Variants in OPRM1 observed in about 807,000 individuals in gnomAD.
OPRM1 encodes mu-type opioid receptor.
In OPRM1, 27 loss-of-function variants were observed where a neutral mutation model predicts 31.8. The observed-to-expected ratio is 0.85, with a 90% CI of 0.63 to 1.17. The LOEUF is 1.17. OPRM1 is among the 50% of genes most tolerant of loss of function. The probability of loss-of-function intolerance (pLI) is 0.00; values close to 1 mark genes in which losing one functional copy is unlikely to be tolerated. For missense variants in OPRM1, 536 were observed against 511.1 expected, an observed-to-expected ratio of 1.05 and a Z score of -0.47; for synonymous variants, 196 against 189.9, an observed-to-expected ratio of 1.03 and a Z score of -0.26.
intron 3 of OPRM1, chr6:154,154,916 T>C (rs1031089963): frequency 7.9e-5 from 12 of 152,510 alleles, no homozygotes; most frequent in Non-Finnish European, 1.8e-4. Context: ...ATTCCCATCA[T>C]GCAAGCACAT....
intron 3 of OPRM1, among the ~76,000 whole-genome samples, chr6:154,195,267 C>T (rs1776511930): frequency 1.3e-5 from 2 of 151,818 alleles, no homozygotes; most frequent in South Asian, 4.2e-4. Flanking sequence ...CCTGCCTCAG[C>T]CTCCCGAGTA....
chr6:154,043,541 A>T (rs879882702), intron 1 of OPRM1, among the ~76,000 whole-genome samples: 2 of 87,536 alleles, frequency 2.3e-5, no homozygotes, highest in East Asian at 4.3e-4. Flanking sequence ...GTGTGTGTAT[A>T]TATATATATA....
rs545710769 is a variant in OPRM1 at position 154,042,863 on chromosome 6, G to A, written c.290+3029G>A. Among the ~76,000 whole-genome samples, 4 of 152,144 alleles carry A rather than the reference G, an allele frequency of 2.6e-5. No homozygotes were observed. The South Asian group carries it at 8.3e-4, about 31-fold the overall frequency. ...TCACAAAGATTTTAGAAAATGTGAT[G>A]AAAATACTACAAACAGTAGCAATCA... On this transcript the variant is annotated intron_variant, in intron 1 of 3. Coordinates refer to ENST00000330432, the MANE Select transcript of OPRM1 (RefSeq NM_000914.5).
At chr6:154,076,343 C>T (rs1433882333) in intron 1 of OPRM1, among the ~76,000 whole-genome samples, 2 of 152,106 alleles carry the variant, frequency 1.3e-5, no homozygotes, top group Non-Finnish European at 2.9e-5. Flanking sequence ...GAACTATTTG[C>T]AGCATATATC....
chr6:154,189,207 C>A (rs1276539103), intron 3 of OPRM1, among the ~76,000 whole-genome samples: 2 of 152,172 alleles, frequency 1.3e-5, no homozygotes, highest in East Asian at 1.9e-4. Flanking sequence ...AAGATTACCA[C>A]CTGCCAATTT....
chr6:154,013,324 T>G (rs1208724954), intron 1 of OPRM1, among the ~76,000 whole-genome samples: 2 of 152,176 alleles, frequency 1.3e-5, no homozygotes, highest in Non-Finnish European at 2.9e-5. Flanking sequence ...TTCATTTCAT[T>G]TTAGTCATTT....
At chr6:154,062,414 A>G (rs1476619232) in intron 1 of OPRM1, among the ~76,000 whole-genome samples, 1 of 152,136 alleles carries the variant, frequency 6.6e-6, no homozygotes, top group South Asian at 2.1e-4. Context: ...CCTGTATTGC[A>G]CTATAAGACT....
intron 1 of OPRM1, among the ~76,000 whole-genome samples, chr6:154,069,587 G>A (rs2128450658): frequency 6.6e-6 from 1 of 152,272 alleles, no homozygotes; most frequent in South Asian, 2.1e-4. Flanking sequence ...AGAAACCAGT[G>A]TCATGAAGCT....
Position 154,039,521 on chromosome 6 carries a change from G to A in OPRM1, c.-24G>A, listed in dbSNP as rs199560363. 1.6e-5 allele frequency: 26 copies of A among 1,596,484 alleles called. No individual in the cohort carries two copies. The South Asian group carries it at 2.8e-4, about 17-fold the overall frequency. On this transcript the variant is annotated 5_prime_UTR_variant, in exon 1 of 4. Transcript: ENST00000330432. ...GGTGCTCCTGGCTACCTCGCACAGCGGTGCCCGCCCGGCCGTCAGTACCAT... is the reference window on the plus strand; with the variant it reads ...GGTGCTCCTGGCTACCTCGCACAGCAGTGCCCGCCCGGCCGTCAGTACCAT...
Position 154,204,618 on chromosome 6 carries a change from C to T in OPRM1, c.1165-42075C>T, listed in dbSNP as rs144708160. Among the ~76,000 whole-genome samples the T allele has an allele frequency of 1.1e-3, 167 of 152,220 alleles. 1 individual carries two copies. The highest frequency in any genetic ancestry group is 3.6e-3 in the African/African-American group (150 of 41,532). On this transcript the variant is annotated intron_variant, in intron 3 of 3. Transcript: ENST00000337049. ...GCATGACCTTGGGCAATGTGCTGAC[C>T]GAAGATCTACTCATCACTGTGATCC... is the stretch of plus-strand genomic sequence containing the variant.
intron 3 of OPRM1, chr6:154,155,217 C>T (rs1798664953): frequency 6.6e-6 from 1 of 152,182 alleles, no homozygotes; most frequent in Non-Finnish European, 1.5e-5. Context: ...AATTATCCCC[C>T]TTCCACAGTC....
chr6:154,119,179 G>T lies in OPRM1; in HGVS notation c.*458G>T. On this transcript the variant is annotated 3_prime_UTR_variant, in exon 4 of 4. Transcript: ENST00000330432. ...CGAGTCTTTTTAGTGTTTTGCAAGG[G>T]AATGAATCCATTATTCTATTTTAGA... The T allele has an allele frequency of 1.0e-6, 1 of 987,120 alleles. No homozygotes were observed. 61.1% of individuals were successfully genotyped at this position (987,120 alleles called of 1,614,324 possible). A position where few individuals can be genotyped will look rare whatever the true frequency, so the allele number is the denominator to read the frequency against.
chr6:154,024,033 A>G (rs1857019), intron 1 of OPRM1, among the ~76,000 whole-genome samples: 9,163 of 152,140 alleles, frequency 0.06, 391 homozygotes, highest in African/African-American at 0.11. Flanking sequence ...CTGTTTTGGT[A>G]TCAGGGTAAT....
At chr6:154,236,332 AACT>A in intron 3 of OPRM1, among the ~76,000 whole-genome samples, 1 of 152,328 alleles carries the variant, frequency 6.6e-6, no homozygotes, top group Non-Finnish European at 1.5e-5. Flanking sequence ...TATAGGAGGG[AACT>A]ACAGTAGTCA....
intron 3 of OPRM1, among the ~76,000 whole-genome samples, chr6:154,165,561 C>T (rs1799357113): frequency 3.9e-5 from 6 of 152,156 alleles, no homozygotes; most frequent in Admixed American, 3.3e-4. Flanking sequence ...CCAAGCACTG[C>T]ACGAGGGATC....
intron 1 of OPRM1, among the ~76,000 whole-genome samples, chr6:154,086,349 A>G (rs1306785886): frequency 6.6e-6 from 1 of 152,216 alleles, no homozygotes; most frequent in East Asian, 1.9e-4. Flanking sequence ...GACTTTTTAA[A>G]TAAATTGAGA....
rs74993714 is a variant in OPRM1 at position 154,065,881 on chromosome 6, T to C, written c.291-23945T>C. 6.5e-3 allele frequency among the ~76,000 whole-genome samples: 992 copies of C among 152,362 alleles called. 8 individuals carry two copies. Among genetic ancestry groups the C allele is most frequent in the African/African-American group, 0.023 (952 of 41,586 alleles). The stretch of plus-strand genomic sequence containing the variant: ...AGAAAAAGCTTTCAGCCTTTCAACA[T>C]TGAGTATGATCTCTGCTGTGGAATT... On this transcript the variant is annotated intron_variant, in intron 1 of 3. Transcript: ENST00000330432.
At chr6:154,216,520 T>G (rs1778406789) in intron 3 of OPRM1, among the ~76,000 whole-genome samples, 1 of 152,182 alleles carries the variant, frequency 6.6e-6, no homozygotes, top group South Asian at 2.1e-4. Flanking sequence ...GATATGTTTT[T>G]GTATGTGCAT....
chr6:154,087,462 G>T (rs1790870973), intron 1 of OPRM1: 1 of 985,416 alleles, frequency 1.0e-6, no homozygotes, highest in Non-Finnish European at 1.2e-6. Flanking sequence ...GAAGCCCAAG[G>T]AGGGCCTGGC....
Sources: gnomAD v4.1 joint callset for allele counts (sites outside exome capture counted in the v4.1 genomes callset) on GRCh38, gnomAD v4.1.1 for gene constraint, MANE v1.5 for transcripts, NCBI Gene and HGNC (gene_info 2026-07-23, HGNC 2026-07-21) for gene names.